PCSK1: variants seen among roughly 807,000 people sequenced by gnomAD.
PCSK1 encodes the protein proprotein convertase subtilisin/kexin type 1, also known as neuroendocrine convertase 1.
PCSK1 carries 56 observed loss-of-function variants against 90.6 expected under a neutral mutation model. The observed-to-expected ratio is 0.62, with a 90% CI of 0.50 to 0.77. PCSK1 has a LOEUF of 0.77. PCSK1 is among the 30% of genes least tolerant of loss of function. The probability of loss-of-function intolerance (pLI) is 0.00; values close to 1 mark genes in which losing one functional copy is unlikely to be tolerated. For synonymous variants in PCSK1, 348 were observed against 342.4 expected, an observed-to-expected ratio of 1.02 and a Z score of -0.18; for missense variants, 801 against 932.6, an observed-to-expected ratio of 0.86 and a Z score of 1.84.
chr5:96,428,603 A>G (rs1294008777), intron 2 of PCSK1, among the ~76,000 whole-genome samples: 1 of 152,206 alleles, frequency 6.6e-6, no homozygotes, highest in Non-Finnish European at 1.5e-5. Flanking sequence ...ACAAACTAGG[A>G]TGAAAAGAGA....
chr5:96,432,182 C>T, intron 1 of PCSK1: 2 of 1,509,578 alleles, frequency 1.3e-6, no homozygotes, highest in Non-Finnish European at 1.8e-6. Context: ...GAAGCTTGGA[C>T]TTTATAAGTT....
In PCSK1 at chr5:96,425,938, G is replaced by T. The variant is rs1216767786; in HGVS notation, c.286-8C>A. On this transcript the variant is annotated splice_region_variant and splice_polypyrimidine_tract_variant and intron_variant, in intron 2 of 13. Transcript: ENST00000311106. ...TTGTTCAGCCCATATCACCTACAAG[G>T]ATTTTTATAGCAAGAAAATCAAAAG... 2.0e-6 allele frequency: 3 copies of T among 1,536,806 alleles called. No individual in the cohort carries two copies. Among genetic ancestry groups the T allele is most frequent in the Non-Finnish European group, 2.7e-6 (3 of 1,110,770 alleles).
chr5:96,399,404 T>G (rs1760274690), intron 10 of PCSK1, among the ~76,000 whole-genome samples: 2 of 152,202 alleles, frequency 1.3e-5, no homozygotes, highest in Admixed American at 1.3e-4. Context: ...TTATTTTGAT[T>G]GCTTTGATAG....
intron 9 of PCSK1, among the ~76,000 whole-genome samples, chr5:96,403,789 C>G (rs1364830222): frequency 6.6e-6 from 1 of 152,196 alleles, no homozygotes; most frequent in Admixed American, 6.5e-5. Context: ...ATTTTTCTAA[C>G]TTGGACTTTC....
At chr5:96,403,416 C>T (rs550479678) in intron 9 of PCSK1, among the ~76,000 whole-genome samples, 19 of 152,294 alleles carry the variant, frequency 1.2e-4, no homozygotes, top group African/African-American at 2.9e-4. Context: ...CCTCTCCACT[C>T]ACCCCACCCC....
chr5:96,404,388 A>G (rs1315674496), intron 9 of PCSK1, among the ~76,000 whole-genome samples: 2 of 152,192 alleles, frequency 1.3e-5, no homozygotes, highest in Non-Finnish European at 2.9e-5. Context: ...CTGCATGTTA[A>G]ATAAACTCCC....
intron 9 of PCSK1, 99 bp from the exon 10 acceptor site, chr5:96,400,285 G>T: frequency 1.2e-6 from 1 of 811,242 alleles, no homozygotes; most frequent in Non-Finnish European, 2.2e-6. Flanking sequence ...GGATTATGAA[G>T]TGCCTTTTGC....
intron 5 of PCSK1, among the ~76,000 whole-genome samples, chr5:96,417,034 T>C (rs1760958174): frequency 6.6e-6 from 1 of 152,334 alleles, no homozygotes; most frequent in South Asian, 2.1e-4. Context: ...TGAAGGCTGT[T>C]GGTGGCTTGG....
rs2112385815 is a variant in PCSK1 at position 96,392,883 on chromosome 5, G to A, written c.*118C>T. ...CAGTTTAGGGAGAAAAAGAAAAGGT[G>A]CCACAAAGGATATTATAAGCATAAG... On this transcript the variant is annotated 3_prime_UTR_variant, in exon 14 of 14. Transcript: ENST00000311106. 9.8e-7 allele frequency: 1 copy of A among 1,024,896 alleles called. No individual in the cohort carries two copies. The highest frequency in any genetic ancestry group is 1.5e-6 in the Non-Finnish European group (1 of 663,606). The allele number at this position is 1,024,896 out of a possible 1,614,324, so 63.5% of individuals were successfully genotyped here. A position where few individuals can be genotyped will look rare whatever the true frequency, so the allele number is the denominator to read the frequency against.
chr5:96,412,752 G>GTTTTTTTTTTTTTGT (rs1554058734), intron 6 of PCSK1, among the ~76,000 whole-genome samples: 35 of 71,832 alleles, frequency 4.9e-4, no homozygotes, highest in African/African-American at 2.9e-3. Flanking sequence ...CAGCTGTGAT[G>GTTTTTTTTTTTTTGT]TTTTTTTTTT....
Position 96,400,939 on chromosome 5 carries a change from T to G in PCSK1, c.1197-753A>C, listed in dbSNP as rs369752937. On this transcript the variant is annotated intron_variant, in intron 9 of 13. Transcript: ENST00000311106. ...CGTCTCTACTAAAAATACAAAAAAT[T>G]AGCCGGGCGCGGTGGCGGGCGCCTG... Among the ~76,000 whole-genome samples the G allele has an allele frequency of 5.4e-3, 810 of 150,284 alleles. 6 individuals are homozygous for G. Among genetic ancestry groups the G allele is most frequent in the African/African-American group, 0.019 (764 of 40,864 alleles).
Position 96,408,308 on chromosome 5 carries a change from GC to G in PCSK1, c.1110del (p.His371ThrfsTer63). 1 of 1,613,714 alleles carries G rather than the reference GC, an allele frequency of 6.2e-7. No homozygotes were observed. Among genetic ancestry groups the G allele is most frequent in the Non-Finnish European group, 8.5e-7 (1 of 1,179,670 alleles). On this transcript the variant is annotated frameshift_variant, in exon 9 of 14. Coordinates refer to ENST00000311106, the MANE Select transcript of PCSK1 (RefSeq NM_000439.5). LOFTEE classifies it high-confidence loss of function. ...GTGTGCGTCTCCGTGCAGTCATTGTGCAGGTCAGCGCTCGTCTGGATGACGT... is the reference window on the plus strand; with the variant it reads ...GTGTGCGTCTCCGTGCAGTCATTGTGAGGTCAGCGCTCGTCTGGATGACGT... Reference protein sequence around the residue: ...YTDQRITSADLHNDCTETHTG... With the variant: ...YTDQRITSADXHNDCTETHTG...
chr5:96,412,750 A>ATTTTTTTTTT (rs1451878228), intron 6 of PCSK1, among the ~76,000 whole-genome samples: 3 of 63,386 alleles, frequency 4.7e-5, no homozygotes, highest in African/African-American at 2.4e-4. Flanking sequence ...GGCAGCTGTG[A>ATTTTTTTTTT]TGTTTTTTTT....
At chr5:96,412,531 C>A in intron 6 of PCSK1, 41 bp from the exon 7 acceptor site, 1 of 1,556,264 alleles carries the variant, frequency 6.4e-7, no homozygotes, top group South Asian at 1.1e-5. Context: ...AGGTTGATGT[C>A]AGTATGTACA....
chr5:96,429,787 A>T (rs1761434095), intron 1 of PCSK1, among the ~76,000 whole-genome samples: 1 of 152,216 alleles, frequency 6.6e-6, no homozygotes, highest in African/African-American at 2.4e-5. Flanking sequence ...GAAGGCACTG[A>T]TAGAGGTCTT....
intron 11 of PCSK1, 79 bp downstream of exon 11, chr5:96,398,800 A>G (rs1394368887): frequency 3.4e-6 from 4 of 1,159,994 alleles, no homozygotes; most frequent in Non-Finnish European, 5.2e-6. Context: ...TGTTCTATGA[A>G]TAAACAAAAG....
intron 9 of PCSK1, 90 bp downstream of exon 9, chr5:96,408,133 C>T (rs1760633263): frequency 2.2e-6 from 2 of 907,026 alleles, no homozygotes; most frequent in Non-Finnish European, 3.6e-6. Flanking sequence ...CAAAATTTCT[C>T]CTGTAACCAT....
chr5:96,393,784 G>A (rs1432059715), intron 13 of PCSK1, among the ~76,000 whole-genome samples: 10 of 152,152 alleles, frequency 6.6e-5, no homozygotes, highest in Non-Finnish European at 4.4e-5. Flanking sequence ...CACTGGTTGC[G>A]GTAGCATGGG....
Position 96,410,929 on chromosome 5 carries a change from C to T in PCSK1, c.940G>A (p.Gly314Arg). 2 of 1,614,000 alleles carry T rather than the reference C, an allele frequency of 1.2e-6. No homozygotes were observed. Among genetic ancestry groups the T allele is most frequent in the Non-Finnish European group, 1.7e-6 (2 of 1,179,992 alleles). ...VWASGNGGRQ[G>R]DNCDCDGYTD... Reference sequence around the variant, plus strand: ...TAGCCATCACAGTCACAATTATCTCCCTGACGCCCCCCGTTTCCCGAAGCC... The same window carrying T: ...TAGCCATCACAGTCACAATTATCTCTCTGACGCCCCCCGTTTCCCGAAGCC... The change falls in exon 8 of 14, where the codon GGA becomes AGA. Residue 314 changes from glycine (G) to arginine (R), a missense_variant. Coordinates refer to ENST00000311106, the MANE Select transcript of PCSK1 (RefSeq NM_000439.5).
Sources: allele counts gnomAD v4.1 joint callset (sites outside exome capture counted in the v4.1 genomes callset), GRCh38; gene constraint gnomAD v4.1.1; transcripts MANE v1.5; gene names NCBI Gene and HGNC (gene_info 2026-07-23, HGNC 2026-07-21).